The following THSD7B variants were observed in gnomAD, a reference collection of about 807,000 sequenced individuals.
THSD7B encodes thrombospondin type 1 domain containing 7B, also known as thrombospondin type-1 domain-containing protein 7B.
In THSD7B, 138 loss-of-function variants were observed where a neutral mutation model predicts 213.6. That is an observed-to-expected ratio of 0.65 (90% CI 0.56 to 0.74). The LOEUF (loss-of-function observed/expected upper bound fraction) is 0.74, where lower values mean the gene tolerates loss of function less well. Among genes scored for constraint, THSD7B ranks in the 30% least tolerant of loss-of-function variants. The pLI, the probability that THSD7B is intolerant of heterozygous loss-of-function variation, is 0.00. For synonymous variants in THSD7B, 742 were observed against 687.0 expected (o/e 1.08, Z -1.25); for missense variants, 1,931 against 1,991.5 (o/e 0.97, Z 0.58).
intron 14 of THSD7B, among the ~76,000 whole-genome samples, chr2:137,412,593 G>A: frequency 1.4e-5 from 1 of 70,530 alleles, no homozygotes; most frequent in Non-Finnish European, 2.6e-5. Context: ...GCAAAACTCT[G>A]TCTCAAAAAA....
At chr2:137,076,184 G>T (rs1050431313) in intron 3 of THSD7B, among the ~76,000 whole-genome samples, 1 of 152,240 alleles carries the variant, frequency 6.6e-6, no homozygotes, top group Admixed American at 6.5e-5. Flanking sequence ...TGCCTCCAGA[G>T]GTGGAGCCTA....
chr2:136,959,658 C>A (rs2105082812), intron 2 of THSD7B, among the ~76,000 whole-genome samples: 1 of 152,200 alleles, frequency 6.6e-6, no homozygotes. Flanking sequence ...TCCTTCTTGG[C>A]CAAATGTTTT....
chr2:137,186,491 C>G (rs1361828378), intron 7 of THSD7B, among the ~76,000 whole-genome samples: 6 of 151,952 alleles, frequency 3.9e-5, no homozygotes, highest in Admixed American at 3.9e-4. Context: ...GAGTCCTTTC[C>G]TTATTGCTTT....
In THSD7B at chr2:137,155,700, T is replaced by TG. The variant is rs1172826461; in HGVS notation, c.1370-4509dup. Among the ~76,000 whole-genome samples the TG allele has an allele frequency of 3.9e-5, 6 of 152,312 alleles. No individual in the cohort carries two copies. In the East Asian group the frequency reaches 7.7e-4, roughly 20 times the overall value. On this transcript the variant is annotated intron_variant, in intron 5 of 27. Transcript: ENST00000409968. The stretch of plus-strand genomic sequence containing the variant: ...AATTTTGGTCTCACTGCCTCCTTGA[T>TG]GGGGACCATTTGGGAAAAGACTGGA...
In THSD7B at chr2:137,374,270, T is replaced by C. The variant is rs970241897; in HGVS notation, c.2501-31343T>C. 3.3e-5 allele frequency among the ~76,000 whole-genome samples: 5 copies of C among 152,310 alleles called. No homozygotes were observed. The East Asian group carries it at 9.7e-4, about 29-fold the overall frequency. On this transcript the variant is annotated intron_variant, in intron 12 of 27. Transcript: ENST00000409968. The stretch of plus-strand genomic sequence containing the variant: ...TTTCCATTTAACTCCACTTTTATTC[T>C]GTGATGTAAATCAGATTACTTCTTG...
At chr2:137,181,873 C>G (rs1309316122) in intron 7 of THSD7B, among the ~76,000 whole-genome samples, 6 of 151,932 alleles carry the variant, frequency 3.9e-5, no homozygotes, top group Non-Finnish European at 8.8e-5. Flanking sequence ...TCTAGTTTTT[C>G]CCAAATTATC....
intron 2 of THSD7B, among the ~76,000 whole-genome samples, chr2:136,961,283 T>G (rs1211899097): frequency 1.4e-5 from 2 of 146,762 alleles, no homozygotes; most frequent in Non-Finnish European, 3.0e-5. Context: ...TGCAGTGGCG[T>G]GATCTCGGCT....
At chr2:137,091,444 C>T (rs529288479) in intron 3 of THSD7B, among the ~76,000 whole-genome samples, 6 of 152,140 alleles carry the variant, frequency 3.9e-5, no homozygotes, top group Non-Finnish European at 5.9e-5. Context: ...TTAGTTTGCT[C>T]GGGCTGTCGT....
intron 13 of THSD7B, among the ~76,000 whole-genome samples, chr2:137,407,031 G>A (rs1489607944): frequency 6.6e-6 from 1 of 152,164 alleles, no homozygotes; most frequent in Admixed American, 6.5e-5. Flanking sequence ...CTTGAGATGA[G>A]AGAGAATTCC....
intron 15 of THSD7B, among the ~76,000 whole-genome samples, chr2:137,494,644 T>C (rs1679517829): frequency 6.6e-6 from 1 of 152,152 alleles, no homozygotes; most frequent in South Asian, 2.1e-4. Flanking sequence ...ACCACACTCT[T>C]ACTCTTATTG....
Position 136,795,617 on chromosome 2 carries a change from TTTTAA to T in THSD7B, c.-36+29934_-36+29938del, listed in dbSNP as rs148372086. Reference sequence around the variant, plus strand: ...TTTTATTATTCTGACAATTTTTGTCTTTTAATTTGACTATTCATCCATTTATATGT... The same window carrying T: ...TTTTATTATTCTGACAATTTTTGTCTTTTGACTATTCATCCATTTATATGT... On this transcript the variant is annotated intron_variant, in intron 1 of 27. Transcript: ENST00000409968. 1.0e-2 allele frequency among the ~76,000 whole-genome samples: 1,519 copies of T among 152,130 alleles called. 30 individuals carry two copies. The highest frequency in any genetic ancestry group is 0.034 in the African/African-American group (1,400 of 41,532).
intron 17 of THSD7B, among the ~76,000 whole-genome samples, chr2:137,589,027 G>A (rs79909025): frequency 0.13 from 19,818 of 152,012 alleles, 1,434 homozygotes; most frequent in South Asian, 0.22. Context: ...TGATCTGCCC[G>A]TCTGGGCCTC....
At chr2:136,945,919 C>T (rs544848293) in intron 2 of THSD7B, among the ~76,000 whole-genome samples, 38 of 152,190 alleles carry the variant, frequency 2.5e-4, no homozygotes, top group African/African-American at 8.4e-4. Flanking sequence ...TCCTTTAGTT[C>T]GGGGAAGTTT....
chr2:137,443,618 T>C (rs566375634), intron 14 of THSD7B, among the ~76,000 whole-genome samples: 1 of 152,212 alleles, frequency 6.6e-6, no homozygotes, highest in African/African-American at 2.4e-5. Flanking sequence ...TAATTATTTT[T>C]TTCTACTTGA....
chr2:137,665,042 A>T (rs1683421340), intron 26 of THSD7B, among the ~76,000 whole-genome samples: 1 of 152,146 alleles, frequency 6.6e-6, no homozygotes, highest in Non-Finnish European at 1.5e-5. Flanking sequence ...CAATATTTAT[A>T]CCCCTCAATC....
chr2:137,206,769 A>G (rs1450034407), intron 7 of THSD7B, among the ~76,000 whole-genome samples: 1 of 152,076 alleles, frequency 6.6e-6, no homozygotes, highest in Non-Finnish European at 1.5e-5. Context: ...TTAGAGAGTC[A>G]CTATTCACAG....
chr2:137,174,296 A>C (rs1680318861), intron 7 of THSD7B, among the ~76,000 whole-genome samples: 1 of 152,184 alleles, frequency 6.6e-6, no homozygotes, highest in South Asian at 2.1e-4. Context: ...AAGCTTGACC[A>C]AGATTCTGTA....
At chr2:137,606,365 C>T (rs1682177683) in intron 17 of THSD7B, among the ~76,000 whole-genome samples, 2 of 152,144 alleles carry the variant, frequency 1.3e-5, no homozygotes, top group Admixed American at 6.6e-5. Context: ...GATAACACCT[C>T]TTCTAAGAGC....
intron 2 of THSD7B, among the ~76,000 whole-genome samples, chr2:136,965,421 G>A (rs993571224): frequency 6.6e-6 from 1 of 152,216 alleles, no homozygotes; most frequent in African/African-American, 2.4e-5. Context: ...GATCAGAGAA[G>A]TCCTCACGAA....
Sources: gnomAD v4.1 joint callset for allele counts (sites outside exome capture counted in the v4.1 genomes callset) on GRCh38, gnomAD v4.1.1 for gene constraint, MANE v1.5 for transcripts, NCBI Gene and HGNC (gene_info 2026-07-23, HGNC 2026-07-21) for gene names.